SGCD: variants seen among roughly 807,000 people sequenced by gnomAD.
The protein encoded by SGCD is delta-sarcoglycan.
A neutral mutation model predicts 36.6 loss-of-function variants in SGCD; 18 were observed. The ratio of observed to expected loss-of-function variants is 0.49; its 90% CI spans 0.34 to 0.73. The LOEUF (loss-of-function observed/expected upper bound fraction) is 0.73. Ranked by LOEUF, SGCD falls within the 30% of genes least tolerant of loss-of-function variation. The pLI is 0.01. For synonymous variants in SGCD, 133 were observed against 130.6 expected, an observed-to-expected ratio of 1.02 and a Z score of -0.12; for missense variants, 387 against 346.7, an observed-to-expected ratio of 1.12 and a Z score of -0.92.
the SGCD span, among the ~76,000 whole-genome samples, chr5:155,772,649 G>T: frequency 1.3e-5 from 2 of 152,116 alleles, no homozygotes; most frequent in African/African-American, 4.8e-5. Flanking sequence ...AGATAAACAA[G>T]TTAGGTAGCA....
intron 4 of SGCD, among the ~76,000 whole-genome samples, chr5:156,586,492 G>A (rs1226604833): frequency 3.9e-5 from 6 of 152,204 alleles, no homozygotes; most frequent in Admixed American, 3.9e-4. Flanking sequence ...ACTAGGCACA[G>A]ATCACCATTA....
chr5:156,342,785 A>G (rs1768732239), intron 2 of SGCD, among the ~76,000 whole-genome samples: 2 of 152,230 alleles, frequency 1.3e-5, no homozygotes, highest in Admixed American at 1.3e-4. Flanking sequence ...TGCCCATGGT[A>G]TTTAGCTTAA....
chr5:156,268,792 T>G (rs1358093134), intron 3 of SGCD, among the ~76,000 whole-genome samples: 2 of 152,036 alleles, frequency 1.3e-5, no homozygotes, highest in Admixed American at 1.3e-4. Flanking sequence ...TAGGGTTTCT[T>G]CATATTGATC....
intron 7 of SGCD, among the ~76,000 whole-genome samples, chr5:156,689,053 A>G (rs1398877208): frequency 6.6e-6 from 1 of 152,200 alleles, no homozygotes; most frequent in Non-Finnish European, 1.5e-5. Context: ...CCTGCATTTT[A>G]AAAAGACAAA....
rs766462865 is a variant in SGCD, at chr5:156,508,705, A to G, written c.294+3A>G. On this transcript the variant is annotated splice_donor_region_variant and intron_variant, in intron 4 of 8. Coordinates refer to ENST00000337851, the MANE Select transcript of SGCD (RefSeq NM_000337.6). ...CCAAAGAAATCCAGTCCCGACCAGT[A>G]AGTTTCTGCTGAGAGAAGGAGGCAT... 8.5e-6 allele frequency: 13 copies of G among 1,535,890 alleles called. No individual in the cohort carries two copies. The highest frequency in any genetic ancestry group is 5.4e-5 in the Admixed American group (3 of 56,010).
chr5:155,921,626 G>A (rs922828561), intron 1 of SGCD, among the ~76,000 whole-genome samples: 2 of 152,092 alleles, frequency 1.3e-5, no homozygotes. Context: ...AAACACAAAT[G>A]GGATGTGAAG....
chr5:156,344,592 A>G lies in SGCD; in HGVS notation c.107A>G (p.Tyr36Cys). 1 of 1,612,416 alleles carries G rather than the reference A, an allele frequency of 6.2e-7. No individual in the cohort carries two copies. The change falls in exon 3 of 9, where the codon TAT becomes TGT. Residue 36 changes from tyrosine (Y) to cysteine (C), a missense_variant. By Grantham distance (194) the Tyr-to-Cys change is radical. Coordinates refer to ENST00000337851, the MANE Select transcript of SGCD (RefSeq NM_000337.6). ...GIYGWRKRCL[Y>C]FFVLLLMILI... ...TATGGCTGGCGGAAACGATGCCTGT[A>G]TTTCTTTGTCCTGCTCCTCATGATT...
chr5:156,672,929 T>C (rs1456884128), intron 7 of SGCD, among the ~76,000 whole-genome samples: 1 of 152,168 alleles, frequency 6.6e-6, no homozygotes, highest in Non-Finnish European at 1.5e-5. Flanking sequence ...ATTTTTCAAG[T>C]CTCAGCTTTA....
intron 1 of SGCD, among the ~76,000 whole-genome samples, chr5:156,069,262 A>G (rs917570018): frequency 6.6e-6 from 1 of 152,088 alleles, no homozygotes; most frequent in Admixed American, 6.5e-5. Flanking sequence ...TTTAGGTCTA[A>G]AGTTTAAGTC....
In SGCD at chr5:156,069,069, A is replaced by G. The variant is rs893149566; in HGVS notation, c.-281-48809A>G. Among the ~76,000 whole-genome samples the G allele has an allele frequency of 6.8e-4, 103 of 152,208 alleles. 1 individual carries two copies. In the Middle Eastern group the frequency reaches 0.014, roughly 20 times the overall value. ...TTGCAAAAATTTTCTCCCATTCTGT[A>G]GGTTGCCTGTTCACTCTGATGGTAG... On this transcript the variant is annotated intron_variant, in intron 1 of 9. Coordinates refer to the SGCD transcript ENST00000517913.
chr5:156,679,896 G>T (rs1396361184), intron 7 of SGCD, among the ~76,000 whole-genome samples: 1 of 152,000 alleles, frequency 6.6e-6, no homozygotes, highest in African/African-American at 2.4e-5. Context: ...AATGCCTCAG[G>T]ATTTTACCTT....
At chr5:156,052,694 G>A (rs1235120569) in intron 1 of SGCD, among the ~76,000 whole-genome samples, 3 of 145,542 alleles carry the variant, frequency 2.1e-5, no homozygotes, top group African/African-American at 7.4e-5. Flanking sequence ...CAAAATGCAG[G>A]GTTCCTTGTT....
chr5:156,463,231 A>G (rs951776750), intron 3 of SGCD, among the ~76,000 whole-genome samples: 8 of 151,852 alleles, frequency 5.3e-5, no homozygotes, highest in Admixed American at 3.9e-4. Context: ...TTTAGGAGAG[A>G]TGGGGTTTCA....
At chr5:156,279,442 CT>C (rs1458959135) in intron 3 of SGCD, among the ~76,000 whole-genome samples, 2 of 152,104 alleles carry the variant, frequency 1.3e-5, no homozygotes, top group African/African-American at 4.8e-5. Flanking sequence ...CAAATTGGAT[CT>C]TTACTTCTTC....
chr5:155,881,292 C>A (rs1414020714), intron 1 of SGCD, among the ~76,000 whole-genome samples: 1 of 54,438 alleles, frequency 1.8e-5, no homozygotes, highest in African/African-American at 1.4e-4. Context: ...ACCACCTCAC[C>A]ACAAAATAAA....
At chr5:155,733,713 A>G in the SGCD span, among the ~76,000 whole-genome samples, 1 of 152,128 alleles carries the variant, frequency 6.6e-6, no homozygotes, top group Non-Finnish European at 1.5e-5. Context: ...GTTGAAAGGA[A>G]ACACTTAATG....
rs951567383 is a variant in SGCD, at chr5:156,375,672, C to A, written c.192+30995C>A. Reference sequence around the variant, plus strand: ...TTAAACAATTCTTTCCCCATGCTCACTGCATTCACTCCTTGAAGATGTACA... The same window carrying A: ...TTAAACAATTCTTTCCCCATGCTCAATGCATTCACTCCTTGAAGATGTACA... On this transcript the variant is annotated intron_variant, in intron 3 of 8. Coordinates refer to ENST00000337851, the MANE Select transcript of SGCD (RefSeq NM_000337.6). Among the ~76,000 whole-genome samples the A allele has an allele frequency of 3.3e-5, 5 of 152,310 alleles. No individual in the cohort carries two copies. In the East Asian group the frequency reaches 9.6e-4, roughly 29 times the overall value.
At position 155,939,151 on chromosome 5, in the gene SGCD, A is replaced by G. The variant is rs559405250; in HGVS notation, c.-282+68727A>G. ...TTATGCATCTATAAGCATGGCAACT[A>G]TAATAAATAACAATGGATTGTATTC... On this transcript the variant is annotated intron_variant, in intron 1 of 9. Transcript: ENST00000517913. Among the ~76,000 whole-genome samples, 3 of 152,350 alleles carry G rather than the reference A, an allele frequency of 2.0e-5. No individual in the cohort carries two copies. In the East Asian group the frequency reaches 5.8e-4, roughly 29 times the overall value.
chr5:156,236,069 T>A (rs1765156107), intron 3 of SGCD, among the ~76,000 whole-genome samples: 2 of 152,364 alleles, frequency 1.3e-5, no homozygotes, highest in South Asian at 4.1e-4. Context: ...TTAGAATAGA[T>A]CATTTTTGAA....
Sources: gnomAD v4.1 joint callset for allele counts (sites outside exome capture counted in the v4.1 genomes callset) on GRCh38, gnomAD v4.1.1 for gene constraint, MANE v1.5 for transcripts, NCBI Gene and HGNC (gene_info 2026-07-23, HGNC 2026-07-21) for gene names.